CCDC61: variants seen among roughly 807,000 people sequenced by gnomAD.
CCDC61 encodes the protein coiled-coil domain containing 61.
Under a neutral mutation model 63.0 loss-of-function variants are expected in CCDC61, and 55 were observed. The ratio of observed to expected loss-of-function variants is 0.87; its 90% CI spans 0.70 to 1.09. The LOEUF is 1.09. Among genes scored for constraint, CCDC61 ranks in the 50% least tolerant of loss-of-function variants. CCDC61 has a pLI of 0.00. For missense variants in CCDC61, 651 were observed against 731.4 expected (o/e 0.89, Z 1.27); for synonymous variants, 270 against 317.0 (o/e 0.85, Z 1.58).
At chr19:46,014,900 G>A in intron 5 of CCDC61, 149 bp from the exon 6 acceptor site, 1 of 580,234 alleles carries the variant, frequency 1.7e-6, no homozygotes, top group Non-Finnish European at 2.8e-6. Context: ...GATATGATAG[G>A]ACCCTGCCCC....
intron 1 of CCDC61, chr19:46,000,089 G>A (rs1968562528): frequency 2.0e-6 from 2 of 984,410 alleles, no homozygotes; most frequent in Non-Finnish European, 2.4e-6. Context: ...CGGGAGGGGA[G>A]AGGGGGCTCA....
chr19:46,008,047 G>A, intron 4 of CCDC61, 93 bp from the exon 5 acceptor site: 1 of 1,371,004 alleles, frequency 7.3e-7, no homozygotes, highest in East Asian at 2.5e-5. Flanking sequence ...GGAATTGTGT[G>A]TTTTCGTACT....
intron 5 of CCDC61, 34 bp downstream of exon 5, chr19:46,008,335 T>TGGGGGGGGGGGGGGG: frequency 2.0e-6 from 1 of 499,170 alleles, no homozygotes; most frequent in East Asian, 6.0e-5. Context: ...CTGGGGCGGG[T>TGGGGGGGGGGGGGGG]GGGGGCCCTC....
intron 4 of CCDC61, among the ~76,000 whole-genome samples, chr19:46,007,562 T>A (rs1041728852): frequency 1.3e-5 from 2 of 152,114 alleles, no homozygotes; most frequent in African/African-American, 4.8e-5. Context: ...ATGCAAGGGA[T>A]GCTGGGAAAA....
rs1457490848 is a variant in CCDC61 at position 46,015,098 on chromosome 19, C to G, written c.601C>G (p.Arg201Gly). Reference protein sequence around the residue: ...EKRELEAQLGRSREEALAGRA... With the variant: ...EKRELEAQLGGSREEALAGRA... ...GCGGGAGCTGGAGGCGCAGCTGGGCCGATCGCGCGAGGAGGCGCTGGCCGG... is the reference window on the plus strand; with the variant it reads ...GCGGGAGCTGGAGGCGCAGCTGGGCGGATCGCGCGAGGAGGCGCTGGCCGG... Residue 201 changes from arginine to glycine, a missense_variant, in exon 6 of 14, where the codon CGA becomes GGA. Arg to Gly is a moderately radical substitution (Grantham distance 125). Transcript: ENST00000595358. The surrounding 1 kb of genome is among the most constrained non-coding windows in gnomAD (Gnocchi z 5.3). 7 of 1,375,878 alleles carry G rather than the reference C, an allele frequency of 5.1e-6. No individual in the cohort carries two copies. Among genetic ancestry groups the G allele is most frequent in the Non-Finnish European group, 6.6e-6 (7 of 1,065,062 alleles). The allele number at this position is 1,375,878 out of a possible 1,614,324, so 85.2% of individuals were successfully genotyped here.
chr19:45,996,430 CT>C (rs72345627), intron 1 of CCDC61: 67 of 137,846 alleles, frequency 4.9e-4, no homozygotes, highest in Admixed American at 5.9e-4. Flanking sequence ...TTGGAGTGTT[CT>C]TTTTTTTTTT....
chr19:46,018,497 C>T lies in CCDC61; in HGVS notation c.*110C>T. The stretch of plus-strand genomic sequence containing the variant: ...TGCCCAGTCCCTGCCCTGGCCCCGT[C>T]CCTCCTGCTGCCCCTGGGGTCTCAG... On this transcript the variant is annotated 3_prime_UTR_variant, in exon 14 of 14. Coordinates refer to ENST00000595358, the MANE Select transcript of CCDC61 (RefSeq NM_001267723.2). The surrounding 1 kb of genome is among the most constrained non-coding windows in gnomAD (Gnocchi z 4.2). 1.2e-6 allele frequency: 1 copy of T among 803,908 alleles called. No individual in the cohort carries two copies. Among genetic ancestry groups the T allele is most frequent in the Non-Finnish European group, 2.0e-6 (1 of 497,584 alleles). The allele number at this position is 803,908 out of a possible 1,614,324, so 49.8% of individuals were successfully genotyped here.
Position 46,016,062 on chromosome 19 carries a change from C to G in CCDC61, c.854C>G (p.Thr285Ser). 8.1e-7 allele frequency: 1 copy of G among 1,235,486 alleles called. No individual in the cohort carries two copies. The highest frequency in any genetic ancestry group is 1.0e-6 in the Non-Finnish European group (1 of 991,014). 76.5% of individuals were successfully genotyped at this position (1,235,486 alleles called of 1,614,324 possible). A position where few individuals can be genotyped will look rare whatever the true frequency, so the allele number is the denominator to read the frequency against. Residue 285 changes from threonine to serine, a missense_variant, in exon 8 of 14, where the codon ACT becomes AGT. Transcript: ENST00000595358. The surrounding 1 kb of genome is among the most constrained non-coding windows in gnomAD (Gnocchi z 7.2). Reference protein sequence around the residue: ...ELALYKRGRRTPPVQPPPTRE... With the variant: ...ELALYKRGRRSPPVQPPPTRE... ...TGCCTCTGTGGTCTCAGGAGGCGGA[C>G]TCCGCCGGTGCAGCCGCCCCCGACG...
chr19:45,997,036 C>T (rs4803880), intron 1 of CCDC61, among the ~76,000 whole-genome samples: 72,221 of 151,862 alleles, frequency 0.48, 17,451 homozygotes, highest in Non-Finnish European at 0.49. Context: ...CCTCCTCCCT[C>T]CCCTCAACTC....
chr19:46,003,335 C>T (rs537992050), intron 2 of CCDC61, 84 bp from the exon 3 acceptor site: 8 of 1,451,910 alleles, frequency 5.5e-6, no homozygotes, highest in African/African-American at 2.8e-5. Flanking sequence ...ACACTGGAGT[C>T]GGGTAGAATT....
chr19:46,015,476 G>C lies in CCDC61; in HGVS notation c.845+49G>C. On this transcript the variant is annotated intron_variant, in intron 7 of 13. Coordinates refer to ENST00000595358, the MANE Select transcript of CCDC61 (RefSeq NM_001267723.2). The surrounding 1 kb of genome is among the most constrained non-coding windows in gnomAD (Gnocchi z 5.3). ...CCTGGGCGGATGGGCGGGCCCTGAG[G>C]GTGTGGAGGCTGATGAGGCGGAGCC... 6.5e-7 allele frequency: 1 copy of C among 1,547,996 alleles called. No individual in the cohort carries two copies. The highest frequency in any genetic ancestry group is 8.7e-7 in the Non-Finnish European group (1 of 1,148,396).
intron 1 of CCDC61, among the ~76,000 whole-genome samples, chr19:45,998,993 G>A (rs552823824): frequency 6.6e-6 from 1 of 152,278 alleles, no homozygotes; most frequent in Admixed American, 6.5e-5. Context: ...GCTGGGTAAG[G>A]GGAAGGAAGA....
Position 46,006,637 on chromosome 19 carries a change from C to T in CCDC61, c.310C>T (p.Pro104Ser). 6.2e-7 allele frequency: 1 copy of T among 1,613,846 alleles called. No individual in the cohort carries two copies. Among genetic ancestry groups the T allele is most frequent in the Non-Finnish European group, 8.5e-7 (1 of 1,179,806 alleles). Residue 104 changes from proline (P) to serine (S), a missense_variant, in exon 4 of 14, where the codon CCA (proline) becomes TCA (serine). Transcript: ENST00000595358. Reference protein sequence around the residue: ...SLRNRKMGGRPGSLAPRSAQL... With the variant: ...SLRNRKMGGRSGSLAPRSAQL... ...GCGGAACCGCAAGATGGGGGGCCGCCCAGGCTCCTTGGCCCCCAGGTCGGC... is the reference window on the plus strand; with the variant it reads ...GCGGAACCGCAAGATGGGGGGCCGCTCAGGCTCCTTGGCCCCCAGGTCGGC...
At chr19:46,009,852 T>A (rs1968793237) in intron 5 of CCDC61, among the ~76,000 whole-genome samples, 1 of 144,844 alleles carries the variant, frequency 6.9e-6, no homozygotes, top group Non-Finnish European at 1.5e-5. Flanking sequence ...GCGCGTTTGC[T>A]CTGTCTCAGG....
intron 5 of CCDC61, among the ~76,000 whole-genome samples, 168 bp downstream of exon 5, chr19:46,008,469 T>C (rs2002919): frequency 0.95 from 144,933 of 152,088 alleles, 69,265 homozygotes; most frequent in Non-Finnish European, 1. Flanking sequence ...AGTGCAGTGG[T>C]GCGATCTTGG....
intron 3 of CCDC61, 31 bp downstream of exon 3, chr19:46,003,532 AG>A (rs766838398): frequency 8.8e-6 from 7 of 792,898 alleles, no homozygotes; most frequent in South Asian, 4.3e-5. Context: ...TTGGGGTGGG[AG>A]GGGGGTTCTG....
chr19:46,017,391 C>A, intron 12 of CCDC61, 87 bp downstream of exon 12: 1 of 1,254,388 alleles, frequency 8.0e-7, no homozygotes. Context: ...GCAGAGGCGA[C>A]TCTGAATGCC....
chr19:46,011,272 A>G (rs1263202128), intron 5 of CCDC61, among the ~76,000 whole-genome samples: 3 of 151,826 alleles, frequency 2.0e-5, no homozygotes, highest in Non-Finnish European at 4.4e-5. Flanking sequence ...CTGATCTTGA[A>G]CTTCTGAATT....
At chr19:45,997,597 G>T (rs1247796029) in intron 1 of CCDC61, among the ~76,000 whole-genome samples, 2 of 152,036 alleles carry the variant, frequency 1.3e-5, no homozygotes, top group Non-Finnish European at 2.9e-5. Context: ...TGCCATGTTG[G>T]CCAGGGTGGT....
Sources: gnomAD v4.1 joint callset for allele counts (sites outside exome capture counted in the v4.1 genomes callset) on GRCh38, gnomAD v4.1.1 for gene constraint, Gnocchi (gnomAD v3.1) non-coding constraint, MANE v1.5 for transcripts, NCBI Gene and HGNC (gene_info 2026-07-23, HGNC 2026-07-21) for gene names.